The following SORCS1 variants were observed in gnomAD, a reference collection of about 807,000 sequenced individuals.
SORCS1 encodes VPS10 domain-containing receptor SorCS1.
A neutral mutation model predicts 146.1 loss-of-function variants in SORCS1; 60 were observed. The observed-to-expected ratio is 0.41, with a 90% CI of 0.33 to 0.51. SORCS1 has a LOEUF of 0.51. SORCS1 is among the 20% of genes least tolerant of loss of function. The pLI, the probability that SORCS1 is intolerant of heterozygous loss-of-function variation, is 0.21. For missense variants in SORCS1, 1,352 were observed against 1,487.6 expected (o/e 0.91, Z 1.50); for synonymous variants, 637 against 584.0 (o/e 1.09, Z -1.31).
chr10:106,794,704 C>T (rs1217803668), intron 3 of SORCS1, among the ~76,000 whole-genome samples: 1 of 151,986 alleles, frequency 6.6e-6, no homozygotes. Context: ...GGGTTTTCAC[C>T]GTGTTAGCCA....
chr10:107,008,476 G>A (rs1957547338), intron 1 of SORCS1, among the ~76,000 whole-genome samples: 3 of 152,068 alleles, frequency 2.0e-5, no homozygotes, highest in African/African-American at 4.8e-5. Flanking sequence ...AAGATAAATG[G>A]CTTCATCACA....
chr10:106,889,263 A>G (rs58879794), intron 2 of SORCS1, among the ~76,000 whole-genome samples: 1 of 152,008 alleles, frequency 6.6e-6, no homozygotes, highest in Non-Finnish European at 1.5e-5. Context: ...AACCTAGCCA[A>G]TGCCCCTGCC....
intron 1 of SORCS1, among the ~76,000 whole-genome samples, chr10:106,968,071 G>T (rs911018859): frequency 6.6e-6 from 1 of 151,764 alleles, no homozygotes; most frequent in Non-Finnish European, 1.5e-5. Flanking sequence ...TTAGCTGGGC[G>T]TGGTGGCGGG....
intron 23 of SORCS1, chr10:106,600,470 A>G: frequency 1.0e-6 from 1 of 983,344 alleles, no homozygotes; most frequent in Non-Finnish European, 1.2e-6. Flanking sequence ...AATTAGAACC[A>G]TGTGCTTTTC....
intron 1 of SORCS1, among the ~76,000 whole-genome samples, chr10:107,073,889 A>G (rs1395317335): frequency 6.6e-6 from 1 of 152,044 alleles, no homozygotes; most frequent in African/African-American, 2.4e-5. Context: ...TTTTTAACAT[A>G]GAATTTATTT....
intron 1 of SORCS1, among the ~76,000 whole-genome samples, chr10:106,977,978 CTT>C (rs1213143790): frequency 2.6e-5 from 4 of 152,246 alleles, no homozygotes; most frequent in Non-Finnish European, 4.4e-5. Flanking sequence ...GAGTTTTGCT[CTT>C]GTTGCCCAAG....
intron 9 of SORCS1, among the ~76,000 whole-genome samples, chr10:106,695,226 G>C (rs1374326733): frequency 1.3e-5 from 2 of 152,194 alleles, no homozygotes; most frequent in Non-Finnish European, 2.9e-5. Flanking sequence ...GAACTTAGCT[G>C]TAACTAAGGA....
At chr10:106,789,131 G>A (rs1201378013) in intron 3 of SORCS1, among the ~76,000 whole-genome samples, 1 of 152,096 alleles carries the variant, frequency 6.6e-6, no homozygotes, top group African/African-American at 2.4e-5. Flanking sequence ...CCACGCCTGC[G>A]ACAGAGGGCA....
chr10:106,956,410 A>AC, intron 2 of SORCS1, 103 bp downstream of exon 2: 1 of 978,966 alleles, frequency 1.0e-6, no homozygotes, highest in Non-Finnish European at 1.6e-6. Context: ...CAAGCAGTGC[A>AC]TATCACCAGG....
At chr10:106,728,260 G>C (rs1347650323) in intron 6 of SORCS1, among the ~76,000 whole-genome samples, 1 of 152,034 alleles carries the variant, frequency 6.6e-6, no homozygotes, top group African/African-American at 2.4e-5. Context: ...TCTATCTCCA[G>C]TAAGCAAGAC....
intron 6 of SORCS1, among the ~76,000 whole-genome samples, chr10:106,711,955 A>G (rs902939029): frequency 6.6e-6 from 1 of 152,226 alleles, no homozygotes; most frequent in African/African-American, 2.4e-5. Flanking sequence ...TATGACGATA[A>G]GAACTGGGCT....
In SORCS1 at chr10:106,672,992, A is replaced by G; in HGVS notation, c.1941-7T>C. 2 of 1,607,464 alleles carry G rather than the reference A, an allele frequency of 1.2e-6. No homozygotes were observed. Among genetic ancestry groups the G allele is most frequent in the East Asian group, 4.5e-5 (2 of 44,782 alleles). Reference sequence around the variant, plus strand: ...GCTGAAGTGTCCAAACACTCTACAGAGTTCATGGTGATAAAAATAATTACA... The same window carrying G: ...GCTGAAGTGTCCAAACACTCTACAGGGTTCATGGTGATAAAAATAATTACA... On this transcript the variant is annotated splice_polypyrimidine_tract_variant and splice_region_variant and intron_variant, in intron 14 of 25. Transcript: ENST00000263054.
intron 1 of SORCS1, among the ~76,000 whole-genome samples, chr10:107,073,228 T>G (rs1006038081): frequency 2.6e-5 from 4 of 152,132 alleles, no homozygotes; most frequent in Admixed American, 2.6e-4. Context: ...CATAAAGAGA[T>G]GCAACTAATT....
chr10:107,116,761 T>G (rs559417177), intron 1 of SORCS1, among the ~76,000 whole-genome samples: 71 of 152,304 alleles, frequency 4.7e-4, no homozygotes, highest in African/African-American at 1.7e-3. Context: ...TTAATTAATT[T>G]GTTATAATCA....
At chr10:107,161,414 A>G (rs578051148) in intron 1 of SORCS1, among the ~76,000 whole-genome samples, 2 of 152,272 alleles carry the variant, frequency 1.3e-5, no homozygotes, top group East Asian at 1.9e-4. Flanking sequence ...CACCACTCCA[A>G]TCTGGCCCTC....
At chr10:106,680,666 T>G (rs1418386495) in intron 10 of SORCS1, among the ~76,000 whole-genome samples, 1 of 152,206 alleles carries the variant, frequency 6.6e-6, no homozygotes. Flanking sequence ...GAATTTTGTT[T>G]AAAATAGTTC....
In SORCS1 at chr10:106,629,377, C is replaced by G; in HGVS notation, c.2487G>C (p.Gln829His). 6.2e-7 allele frequency: 1 copy of G among 1,613,980 alleles called. No individual in the cohort carries two copies. Among genetic ancestry groups the G allele is most frequent in the Non-Finnish European group, 8.5e-7 (1 of 1,179,898 alleles). ...CAAAGTCCACTTGGATGAGTGTCCG[C>G]TGAACATCACCCTGAAAAACAACCC... The part of the protein sequence containing the change: ...LMVQLEEGDV[Q>H]RTLIQVDFGD... Residue 829 changes from glutamine (Q) to histidine (H), a missense_variant, in exon 19 of 26, where the codon CAG becomes CAC. By Grantham distance (24) the Gln-to-His change is conservative (BLOSUM62 0). This residue lies in a region of SORCS1 where 648 missense variants were observed against 793.8 expected (regional missense o/e 0.82). Transcript: ENST00000263054.
chr10:106,761,357 C>T (rs772579674), intron 5 of SORCS1, among the ~76,000 whole-genome samples: 9 of 152,166 alleles, frequency 5.9e-5, no homozygotes, highest in Non-Finnish European at 1.3e-4. Context: ...GTTCACTAAC[C>T]TCCATAATCC....
chr10:106,928,094 G>A (rs953479547), intron 2 of SORCS1, among the ~76,000 whole-genome samples: 24 of 152,236 alleles, frequency 1.6e-4, no homozygotes, highest in Admixed American at 1.3e-3. Context: ...CCAGTCCCGC[G>A]CCGTGCACCC....
Sources: allele counts gnomAD v4.1 joint callset (sites outside exome capture counted in the v4.1 genomes callset), GRCh38; gene constraint gnomAD v4.1.1; regional missense constraint gnomAD v4.1.1; transcripts MANE v1.5; gene names NCBI Gene and HGNC (gene_info 2026-07-23, HGNC 2026-07-21).